The following KCNIP4 variants were observed in gnomAD, a reference collection of about 807,000 sequenced individuals.
KCNIP4 encodes potassium voltage-gated channel interacting protein 4.
KCNIP4 carries 12 observed loss-of-function variants against 34.0 expected under a neutral mutation model. The observed-to-expected ratio is 0.35, with a 90% CI of 0.23 to 0.57. KCNIP4 has a LOEUF of 0.57. KCNIP4 is among the 20% of genes least tolerant of loss of function. KCNIP4 has a pLI of 0.83. For missense variants in KCNIP4, 238 were observed against 311.7 expected (o/e 0.76, Z 1.78); for synonymous variants, 124 against 102.2 (o/e 1.21, Z -1.29).
At chr4:21,017,513 A>G (rs1739652649) in intron 1 of KCNIP4, among the ~76,000 whole-genome samples, 1 of 152,194 alleles carries the variant, frequency 6.6e-6, no homozygotes, top group African/African-American at 2.4e-5. Flanking sequence ...CCTGCAAATA[A>G]CATGATCTCA....
intron 3 of KCNIP4, among the ~76,000 whole-genome samples, chr4:20,811,526 C>T (rs570300823): frequency 2.6e-4 from 40 of 151,706 alleles, no homozygotes; most frequent in African/African-American, 9.4e-4. Context: ...CGCGCGCGCA[C>T]GCGTGCACGC....
intron 1 of KCNIP4, among the ~76,000 whole-genome samples, chr4:20,988,850 C>T (rs1006764993): frequency 1.3e-5 from 2 of 152,194 alleles, no homozygotes; most frequent in African/African-American, 4.8e-5. Context: ...GTATGAATTT[C>T]TCTTTGTAAA....
intron 1 of KCNIP4, among the ~76,000 whole-genome samples, chr4:21,455,806 TTC>T (rs1455470836): frequency 1.1e-5 from 1 of 88,710 alleles, no homozygotes; most frequent in Non-Finnish European, 2.1e-5. Flanking sequence ...CTTACAGATA[TTC>T]ATATATATAT....
intron 1 of KCNIP4, among the ~76,000 whole-genome samples, chr4:21,104,235 C>T (rs1219643460): frequency 6.6e-6 from 1 of 151,894 alleles, no homozygotes; most frequent in Non-Finnish European, 1.5e-5. Flanking sequence ...TCCTATTTCT[C>T]CACATCCTCT....
At chr4:20,822,521 C>G (rs2149446681) in intron 3 of KCNIP4, among the ~76,000 whole-genome samples, 1 of 152,220 alleles carries the variant, frequency 6.6e-6, no homozygotes, top group Admixed American at 6.5e-5. Context: ...ACGAAGATTC[C>G]TTAGAGAACT....
chr4:21,631,382 G>A (rs536086595), intron 1 of KCNIP4, among the ~76,000 whole-genome samples: 1 of 152,188 alleles, frequency 6.6e-6, no homozygotes, highest in East Asian at 1.9e-4. Context: ...TGGTAGTTAT[G>A]TAAACATTAG....
chr4:21,253,691 G>A (rs1043891007), intron 1 of KCNIP4, among the ~76,000 whole-genome samples: 1 of 152,186 alleles, frequency 6.6e-6, no homozygotes, highest in African/African-American at 2.4e-5. Context: ...CCACTGGAGA[G>A]GAGCTAAATC....
At chr4:21,599,913 A>C (rs1742964442) in intron 1 of KCNIP4, among the ~76,000 whole-genome samples, 1 of 152,076 alleles carries the variant, frequency 6.6e-6, no homozygotes, top group African/African-American at 2.4e-5. Context: ...ACGACAATAG[A>C]GACACAGCCC....
chr4:20,805,329 C>A (rs1265878355), intron 3 of KCNIP4, among the ~76,000 whole-genome samples: 1 of 151,454 alleles, frequency 6.6e-6, no homozygotes, highest in Middle Eastern at 3.4e-3. Flanking sequence ...AGCCACTGCA[C>A]CTTTCTGCCT....
At chr4:21,878,396 T>A (rs568381090) in intron 1 of KCNIP4, among the ~76,000 whole-genome samples, 1 of 152,238 alleles carries the variant, frequency 6.6e-6, no homozygotes, top group South Asian at 2.1e-4. Flanking sequence ...GATTTGAAGA[T>A]CACTGTGTCC....
At chr4:21,673,699 C>T (rs1261982669) in intron 1 of KCNIP4, among the ~76,000 whole-genome samples, 2 of 152,088 alleles carry the variant, frequency 1.3e-5, no homozygotes, top group Non-Finnish European at 2.9e-5. Context: ...ACTATACTAC[C>T]GTACTATACA....
chr4:21,818,396 T>C (rs1366761182), intron 1 of KCNIP4, among the ~76,000 whole-genome samples: 1 of 152,242 alleles, frequency 6.6e-6, no homozygotes, highest in East Asian at 1.9e-4. Flanking sequence ...CATATTTATA[T>C]GTTTGTACAT....
intron 1 of KCNIP4, among the ~76,000 whole-genome samples, chr4:21,154,315 T>C (rs1577798104): frequency 1.3e-5 from 2 of 152,328 alleles, no homozygotes; most frequent in South Asian, 4.1e-4. Flanking sequence ...GTATAACTAT[T>C]ATGTATTCAT....
At chr4:21,624,950 G>C (rs1745226033) in intron 1 of KCNIP4, among the ~76,000 whole-genome samples, 1 of 152,086 alleles carries the variant, frequency 6.6e-6, no homozygotes, top group Non-Finnish European at 1.5e-5. Context: ...TTGTGACAAA[G>C]TAGCTGACAG....
chr4:20,997,833 G>A (rs542844918), intron 1 of KCNIP4, among the ~76,000 whole-genome samples: 2 of 152,268 alleles, frequency 1.3e-5, no homozygotes, highest in South Asian at 4.2e-4. Flanking sequence ...TAATGACTGG[G>A]GTCCTTTTAG....
intron 1 of KCNIP4, among the ~76,000 whole-genome samples, chr4:21,650,420 C>G (rs555833969): frequency 6.6e-6 from 1 of 152,178 alleles, no homozygotes; most frequent in Non-Finnish European, 1.5e-5. Flanking sequence ...CATAAAATAA[C>G]AAAAATAAAA....
chr4:20,798,723 G>A (rs968906406), intron 3 of KCNIP4, among the ~76,000 whole-genome samples: 6 of 152,106 alleles, frequency 3.9e-5, no homozygotes, highest in African/African-American at 1.4e-4. Context: ...AATCAGCTCA[G>A]AACCAGGGAG....
chr4:21,315,274 A>T (rs1713610234), intron 1 of KCNIP4: 1 of 158,118 alleles, frequency 6.3e-6, no homozygotes, highest in Non-Finnish European at 1.4e-5. Context: ...CTCCCTCCTC[A>T]GCCTACTCAA....
chr4:21,542,977 A>T (rs1159189385), intron 1 of KCNIP4, among the ~76,000 whole-genome samples: 1 of 152,030 alleles, frequency 6.6e-6, no homozygotes, highest in Admixed American at 6.6e-5. Context: ...CAATTCAATG[A>T]TGATTTTAAA....
Sources: allele counts gnomAD v4.1 joint callset (sites outside exome capture counted in the v4.1 genomes callset), GRCh38; gene constraint gnomAD v4.1.1; transcripts MANE v1.5; gene names NCBI Gene and HGNC (gene_info 2026-07-23, HGNC 2026-07-21).